CFAP100: variants seen among roughly 807,000 people sequenced by gnomAD.
CFAP100 encodes cilia- and flagella-associated protein 100.
A neutral mutation model predicts 81.5 loss-of-function variants in CFAP100; 70 were observed. That is an observed-to-expected ratio of 0.86 (90% CI 0.71 to 1.05). CFAP100 has a LOEUF of 1.05. Among genes scored for constraint, CFAP100 ranks in the 50% least tolerant of loss-of-function variants. The probability of loss-of-function intolerance (pLI) is 0.00; values close to 1 mark genes in which losing one functional copy is unlikely to be tolerated. For synonymous variants in CFAP100, 341 were observed against 314.8 expected (o/e 1.08, Z -0.88); for missense variants, 811 against 776.5 (o/e 1.04, Z -0.53).
chr3:126,423,320 C>T lies in CFAP100; in HGVS notation c.1083-5C>T, dbSNP rs17690518. 0.04 allele frequency: 64,143 copies of T among 1,611,938 alleles called. 1,432 individuals are homozygous for T. Among genetic ancestry groups the T allele is most frequent in the Middle Eastern group, 0.061 (368 of 6,048 alleles). On this transcript the variant is annotated splice_region_variant and splice_polypyrimidine_tract_variant and intron_variant, in intron 11 of 16. Transcript: ENST00000352312. ...CAGAGTCCCGACCCTGCCATCTCTT[C>T]GCAGGTCGAACTCTCCCATCCCCCC...
chr3:126,429,107 C>CAAA (rs57773311), intron 13 of CFAP100, among the ~76,000 whole-genome samples: 6 of 95,764 alleles, frequency 6.3e-5, no homozygotes, highest in Non-Finnish European at 8.3e-5. Flanking sequence ...CGTCTCCATC[C>CAAA]AAAAAAAAAA....
At chr3:126,401,868 A>G (rs369019440) in intron 2 of CFAP100, among the ~76,000 whole-genome samples, 139 of 152,218 alleles carry the variant, frequency 9.1e-4, no homozygotes, top group African/African-American at 3.1e-3. Context: ...CCTGCCAGCC[A>G]TGCTGGCCCC....
intron 16 of CFAP100, 78 bp from the exon 17 acceptor site, chr3:126,436,213 T>C (rs952206721): frequency 1.6e-5 from 18 of 1,121,146 alleles, no homozygotes; most frequent in Admixed American, 9.8e-5. Context: ...GCTGGGCCTC[T>C]CCCTGCACCA....
At chr3:126,415,785 T>C (rs1323521910) in intron 4 of CFAP100, among the ~76,000 whole-genome samples, 1 of 152,018 alleles carries the variant, frequency 6.6e-6, no homozygotes, top group Non-Finnish European at 1.5e-5. Flanking sequence ...AGGTGAGTCC[T>C]GCCTTCCTGC....
At chr3:126,433,032 G>T in intron 13 of CFAP100, 37 bp from the exon 14 acceptor site, 1 of 1,612,100 alleles carries the variant, frequency 6.2e-7, no homozygotes, top group Non-Finnish European at 8.5e-7. Context: ...GGGCTGTGCT[G>T]AGTGACTGAT....
intron 3 of CFAP100, among the ~76,000 whole-genome samples, chr3:126,410,592 C>G (rs891337038): frequency 1.3e-5 from 2 of 152,092 alleles, no homozygotes; most frequent in African/African-American, 4.8e-5. Context: ...GCCTCGACCT[C>G]CTGGGTTCAA....
At chr3:126,423,258 G>A (rs2083359757) in intron 11 of CFAP100, 67 bp from the exon 12 acceptor site, 1 of 1,351,608 alleles carries the variant, frequency 7.4e-7, no homozygotes, top group Non-Finnish European at 1.0e-6. Context: ...AGACCTCTGT[G>A]CCCCCTCCCC....
chr3:126,432,694 G>A (rs1051790558), intron 13 of CFAP100: 1 of 165,426 alleles, frequency 6.0e-6, no homozygotes, highest in Admixed American at 6.1e-5. Flanking sequence ...ACAATGAGGA[G>A]TGACTGTTAA....
At chr3:126,411,495 T>G (rs954626995) in intron 3 of CFAP100, among the ~76,000 whole-genome samples, 5 of 150,980 alleles carry the variant, frequency 3.3e-5, no homozygotes, top group Non-Finnish European at 5.9e-5. Flanking sequence ...TGGTACCAAT[T>G]CTTCTTTGAA....
At chr3:126,419,954 C>CG (rs754111487) in intron 9 of CFAP100, 26 bp from the exon 10 acceptor site, 1 of 1,612,808 alleles carries the variant, frequency 6.2e-7, no homozygotes, top group Non-Finnish European at 8.5e-7. Flanking sequence ...CTGAGGCCAT[C>CG]GGGGCCCCCC....
chr3:126,395,156 C>T (rs2082868040), intron 1 of CFAP100, among the ~76,000 whole-genome samples, 178 bp downstream of exon 1: 1 of 152,198 alleles, frequency 6.6e-6, no homozygotes, highest in Admixed American at 6.5e-5. Context: ...ACCCATCTAC[C>T]ATCCACCCCA....
At chr3:126,414,954 G>T (rs1409732240) in intron 4 of CFAP100, among the ~76,000 whole-genome samples, 1 of 152,198 alleles carries the variant, frequency 6.6e-6, no homozygotes, top group South Asian at 2.1e-4. Flanking sequence ...GGCATCTGTA[G>T]GGCATGGGTG....
intron 13 of CFAP100, among the ~76,000 whole-genome samples, chr3:126,431,429 A>G (rs982185721): frequency 1.3e-5 from 2 of 152,198 alleles, no homozygotes; most frequent in Non-Finnish European, 2.9e-5. Flanking sequence ...CTGCAGGCCA[A>G]TGAGATCTCT....
At chr3:126,412,464 C>T (rs1331450701) in intron 3 of CFAP100, among the ~76,000 whole-genome samples, 1 of 152,210 alleles carries the variant, frequency 6.6e-6, no homozygotes, top group Non-Finnish European at 1.5e-5. Context: ...TACCCTTTAT[C>T]AGATTGGGGG....
intron 2 of CFAP100, among the ~76,000 whole-genome samples, chr3:126,403,755 A>G (rs745699113): frequency 6.6e-6 from 1 of 152,206 alleles, no homozygotes; most frequent in Non-Finnish European, 1.5e-5. Flanking sequence ...ATTATTATAA[A>G]AGTAGACTTA....
intron 13 of CFAP100, among the ~76,000 whole-genome samples, chr3:126,427,671 C>T (rs549986999): frequency 6.6e-6 from 1 of 152,184 alleles, no homozygotes; most frequent in Non-Finnish European, 1.5e-5. Flanking sequence ...TTTCCATTCC[C>T]ACTAGCAATG....
chr3:126,397,866 A>AC (rs571521718), intron 2 of CFAP100, among the ~76,000 whole-genome samples: 367 of 151,576 alleles, frequency 2.4e-3, no homozygotes, highest in Admixed American at 3.3e-3. Flanking sequence ...TACAGATAGG[A>AC]CCCCCCCTCA....
At chr3:126,434,936 G>C (rs1275229865) in intron 15 of CFAP100, among the ~76,000 whole-genome samples, 1 of 152,162 alleles carries the variant, frequency 6.6e-6, no homozygotes, top group African/African-American at 2.4e-5. Flanking sequence ...ATGGGCAGCA[G>C]CTTGCTATCT....
At chr3:126,415,365 A>T (rs1469974084) in intron 4 of CFAP100, among the ~76,000 whole-genome samples, 1 of 85,278 alleles carries the variant, frequency 1.2e-5, no homozygotes, top group Non-Finnish European at 2.3e-5. Flanking sequence ...AACCTCCCCT[A>T]CCCGGCAGGC....
Sources: gnomAD v4.1 joint callset for allele counts (sites outside exome capture counted in the v4.1 genomes callset) on GRCh38, gnomAD v4.1.1 for gene constraint, MANE v1.5 for transcripts, NCBI Gene and HGNC (gene_info 2026-07-23, HGNC 2026-07-21) for gene names.